Variants in CDKL2 observed in about 807,000 individuals in gnomAD.
The protein encoded by CDKL2 is cyclin-dependent kinase-like 2.
In CDKL2, 64 loss-of-function variants were observed where a neutral mutation model predicts 63.9. The ratio of observed to expected loss-of-function variants is 1.00; its 90% confidence interval spans 0.82 to 1.23. The LOEUF (loss-of-function observed/expected upper bound fraction) is 1.23. CDKL2 is among the 50% of genes most tolerant of loss of function. The probability of loss-of-function intolerance (pLI) is 0.00; values close to 1 mark genes in which losing one functional copy is unlikely to be tolerated. For synonymous variants in CDKL2, 211 were observed against 229.2 expected (o/e 0.92, Z 0.72); for missense variants, 656 against 668.0 (o/e 0.98, Z 0.20).
rs201875505 is a variant in CDKL2 at position 75,596,954 on chromosome 4, T to C, written c.1303A>G (p.Ile435Val). The C allele has an allele frequency of 6.2e-7, 1 of 1,613,726 alleles. No individual in the cohort carries two copies. The highest frequency in any genetic ancestry group is 2.2e-5 in the East Asian group (1 of 44,860). Reference protein sequence around the residue: ...SINSGMGTETIPIQGYRVDEK... With the variant: ...SINSGMGTETVPIQGYRVDEK... ...TCATACCTGTAACCCTGAATTGGTA[T>C]AGTCTCAGTCCCCATTCCAGAATTA... is the stretch of plus-strand genomic sequence containing the variant. Residue 435 changes from isoleucine to valine, a missense_variant, in exon 9 of 14, where the codon ATA (isoleucine) becomes GTA (valine). By Grantham distance (29) the Ile-to-Val change is conservative (BLOSUM62 3). Coordinates refer to ENST00000307465, the MANE Select transcript of CDKL2 (RefSeq NM_001330724.2).
At chr4:75,624,887 T>C (rs893533665) in intron 2 of CDKL2, among the ~76,000 whole-genome samples, 6 of 151,936 alleles carry the variant, frequency 3.9e-5, no homozygotes, top group Non-Finnish European at 2.9e-5. Context: ...AATATTACTA[T>C]AATAAAAAGG....
intron 10 of CDKL2, among the ~76,000 whole-genome samples, chr4:75,595,360 G>A (rs1242460375): frequency 6.6e-6 from 1 of 151,836 alleles, no homozygotes; most frequent in East Asian, 1.9e-4. Context: ...ACAGTCATGT[G>A]CCACCATACC....
chr4:75,583,521 C>T (rs980356454), intron 12 of CDKL2, among the ~76,000 whole-genome samples: 23 of 152,162 alleles, frequency 1.5e-4, no homozygotes, highest in Non-Finnish European at 2.9e-4. Context: ...CTGCATATGT[C>T]TTCTTTCTTG....
chr4:75,626,608 A>C (rs1312996478), intron 1 of CDKL2, among the ~76,000 whole-genome samples: 1 of 150,762 alleles, frequency 6.6e-6, no homozygotes, highest in African/African-American at 2.4e-5. Context: ...CGGAGCTTGC[A>C]GTGAGCCAAG....
chr4:75,624,626 G>A (rs778896115), intron 2 of CDKL2, among the ~76,000 whole-genome samples: 6 of 151,728 alleles, frequency 4.0e-5, no homozygotes, highest in Admixed American at 6.6e-5. Flanking sequence ...TGAGGTGGGC[G>A]GATCATGAGG....
Position 75,597,232 on chromosome 4 carries a change from G to T in CDKL2, c.1025C>A (p.Thr342Asn), listed in dbSNP as rs781650570. 2.5e-6 allele frequency: 4 copies of T among 1,576,448 alleles called. No homozygotes were observed. The highest frequency in any genetic ancestry group is 2.6e-6 in the Non-Finnish European group (3 of 1,150,406). Residue 342 changes from threonine (T) to asparagine (N), a missense_variant, in exon 9 of 14, where the codon ACC becomes AAC. Physicochemically the swap from Thr to Asn is moderately conservative, Grantham distance 65. Transcript: ENST00000307465. ...ATCCTTAATTTTGGGATCAGCATTGGTATCCTGATCATTAACAAAAATATT... is the reference window on the plus strand; with the variant it reads ...ATCCTTAATTTTGGGATCAGCATTGTTATCCTGATCATTAACAAAAATATT... ...EERKTLVVQDTNADPKIKDYK... is the reference protein window; with the variant it reads ...EERKTLVVQDNNADPKIKDYK...
intron 2 of CDKL2, among the ~76,000 whole-genome samples, chr4:75,620,313 G>A (rs766929125): frequency 6.6e-6 from 1 of 152,182 alleles, no homozygotes; most frequent in Non-Finnish European, 1.5e-5. Flanking sequence ...ACATATCGGC[G>A]ATTGAAACAG....
At chr4:75,605,070 G>A (rs745974140) in intron 5 of CDKL2, among the ~76,000 whole-genome samples, 2 of 151,932 alleles carry the variant, frequency 1.3e-5, no homozygotes, top group African/African-American at 2.4e-5. Flanking sequence ...AAACACACAC[G>A]TGGCTGGGCG....
chr4:75,627,279 G>GTTTT (rs1730465136), intron 1 of CDKL2, among the ~76,000 whole-genome samples: 2 of 151,786 alleles, frequency 1.3e-5, no homozygotes, highest in South Asian at 4.2e-4. Context: ...TTGTTTGTTT[G>GTTTT]TTTGTTTGTT....
chr4:75,627,391 G>A (rs1386627191), intron 1 of CDKL2, among the ~76,000 whole-genome samples: 1 of 151,816 alleles, frequency 6.6e-6, no homozygotes, highest in Non-Finnish European at 1.5e-5. Context: ...TCCTGCCTCC[G>A]CCTCTGAGTA....
At chr4:75,582,066 T>A (rs1172248757) in intron 12 of CDKL2, among the ~76,000 whole-genome samples, 168 bp from the exon 13 acceptor site, 1 of 152,254 alleles carries the variant, frequency 6.6e-6, no homozygotes, top group Admixed American at 6.5e-5. Flanking sequence ...TTCTTTTCCT[T>A]TTCTTTAGTC....
intron 10 of CDKL2, among the ~76,000 whole-genome samples, chr4:75,592,885 C>G (rs1728773604): frequency 6.6e-6 from 1 of 152,124 alleles, no homozygotes; most frequent in Non-Finnish European, 1.5e-5. Context: ...TTGATAAAGT[C>G]AGAAAAAATA....
At chr4:75,591,784 G>T (rs145180625) in intron 12 of CDKL2, 35 bp downstream of exon 12, 2 of 1,386,750 alleles carry the variant, frequency 1.4e-6, no homozygotes, top group Non-Finnish European at 2.0e-6. Flanking sequence ...AGAGAGACCC[G>T]AGTTCTGTCC....
chr4:75,595,396 G>A (rs1728871484), intron 10 of CDKL2, among the ~76,000 whole-genome samples: 1 of 151,840 alleles, frequency 6.6e-6, no homozygotes, highest in African/African-American at 2.4e-5. Context: ...AAAATTTTTT[G>A]TAGAGACAGG....
rs916769045 is a variant in CDKL2, at chr4:75,610,127, T to C, written c.364-2766A>G. Reference sequence around the variant, plus strand: ...TGAGGCAGGGAGAATGGCGTGAACCTGGGAGGCGGAGCTTGCAGTGAGCCG... The same window carrying C: ...TGAGGCAGGGAGAATGGCGTGAACCCGGGAGGCGGAGCTTGCAGTGAGCCG... On this transcript the variant is annotated intron_variant, in intron 3 of 13. Coordinates refer to ENST00000307465, the MANE Select transcript of CDKL2 (RefSeq NM_001330724.2). Among the ~76,000 whole-genome samples, 21 of 150,150 alleles carry C rather than the reference T, an allele frequency of 1.4e-4. No homozygotes were observed. The East Asian group carries it at 2.0e-3, about 14-fold the overall frequency.
chr4:75,613,066 C>A (rs977159418), intron 3 of CDKL2, among the ~76,000 whole-genome samples: 1 of 151,544 alleles, frequency 6.6e-6, no homozygotes, highest in Non-Finnish European at 1.5e-5. Flanking sequence ...CGGAGCTTGC[C>A]GTGAGCCGAG....
chr4:75,591,762 C>G, intron 12 of CDKL2, 57 bp downstream of exon 12: 1 of 1,108,508 alleles, frequency 9.0e-7, no homozygotes, highest in Non-Finnish European at 1.3e-6. Flanking sequence ...AAATACTTTA[C>G]TAGTAAGTAA....
intron 6 of CDKL2, among the ~76,000 whole-genome samples, chr4:75,601,872 T>A (rs112963398): frequency 0.012 from 1,787 of 152,242 alleles, 39 homozygotes; most frequent in African/African-American, 0.041. Flanking sequence ...GTTAAAGAAT[T>A]AAAAAACAAA....
intron 13 of CDKL2, among the ~76,000 whole-genome samples, chr4:75,580,710 T>C (rs1176553085): frequency 6.9e-6 from 1 of 145,684 alleles, no homozygotes; most frequent in Non-Finnish European, 1.5e-5. Flanking sequence ...TTTTTTTTTC[T>C]TTTTTTTTGA....
Sources: gnomAD v4.1 joint callset for allele counts (sites outside exome capture counted in the v4.1 genomes callset) on GRCh38, gnomAD v4.1.1 for gene constraint, MANE v1.5 for transcripts, NCBI Gene and HGNC (gene_info 2026-07-23, HGNC 2026-07-21) for gene names.